The following DAB2IP variants were observed in gnomAD, a reference collection of about 807,000 sequenced individuals.
DAB2IP encodes the protein disabled homolog 2-interacting protein.
In DAB2IP, 28 loss-of-function variants were observed where a neutral mutation model predicts 107.2. The ratio of observed to expected loss-of-function variants is 0.26; its 90% CI spans 0.19 to 0.36. The LOEUF is 0.36. Among genes scored for constraint, DAB2IP ranks in the 10% least tolerant of loss-of-function variants. The probability of loss-of-function intolerance (pLI) is 1.00; values close to 1 mark genes in which losing one functional copy is unlikely to be tolerated. For synonymous variants in DAB2IP, 755 were observed against 706.4 expected (o/e 1.07, Z -1.09); for missense variants, 1,400 against 1,644.7 (o/e 0.85, Z 2.57).
chr9:121,772,794 A>G lies in DAB2IP; in HGVS notation c.2266A>G (p.Thr756Ala). Reference sequence around the variant, plus strand: ...CATGGTGGACCTCCAGGACGCCCGCACGCTGGATGGGGAGGCAGGCTCCCC... The same window carrying G: ...CATGGTGGACCTCCAGGACGCCCGCGCGCTGGATGGGGAGGCAGGCTCCCC... The change falls in exon 12 of 16, where the codon ACG (threonine) becomes GCG (alanine). Residue 756 changes from threonine to alanine, a missense_variant. Coordinates refer to ENST00000408936, the Ensembl canonical transcript of DAB2IP. The surrounding 1 kb of genome is among the most constrained non-coding windows in gnomAD (Gnocchi z 4.7). 1 of 1,612,706 alleles carries G rather than the reference A, an allele frequency of 6.2e-7. No homozygotes were observed. Among genetic ancestry groups the G allele is most frequent in the Non-Finnish European group, 8.5e-7 (1 of 1,179,736 alleles).
At chr9:121,762,643 C>T (rs1314675502) in intron 6 of DAB2IP, among the ~76,000 whole-genome samples, 3 of 152,222 alleles carry the variant, frequency 2.0e-5, no homozygotes, top group African/African-American at 4.8e-5. Context: ...CCCTCCTGGG[C>T]ACCTTGCAGG....
chr9:121,648,545 T>C (rs1832623527), upstream of DAB2IP, among the ~76,000 whole-genome samples: 1 of 152,062 alleles, frequency 6.6e-6, no homozygotes, highest in Non-Finnish European at 1.5e-5. Flanking sequence ...GTGGTGGGGT[T>C]AGGTCAGATC....
chr9:121,774,351 G>C (rs1835024759), exon 13 of DAB2IP: 1 of 1,613,170 alleles, frequency 6.2e-7, no homozygotes, highest in Non-Finnish European at 8.5e-7. Context: ...GAGGGCCTGG[G>C]CCCAGACCCC....
At chr9:121,727,911 A>C (rs1275252508) in intron 3 of DAB2IP, among the ~76,000 whole-genome samples, 4 of 152,032 alleles carry the variant, frequency 2.6e-5, no homozygotes, top group Non-Finnish European at 5.9e-5. Flanking sequence ...CTTGTCCCTG[A>C]GCCACCACCC....
intron 3 of DAB2IP, among the ~76,000 whole-genome samples, chr9:121,724,074 G>A (rs150727785): frequency 3.3e-5 from 5 of 152,212 alleles, no homozygotes; most frequent in East Asian, 3.9e-4. Context: ...GTTTACTGAG[G>A]ATTCCCTCAT....
At chr9:121,612,876 C>T (rs764255932) in intron 1 of DAB2IP, among the ~76,000 whole-genome samples, 3 of 152,216 alleles carry the variant, frequency 2.0e-5, no homozygotes, top group East Asian at 3.8e-4. Flanking sequence ...TCACTTTTCC[C>T]GAGCTTACCC....
At position 121,617,132 on chromosome 9, in the gene DAB2IP, G is replaced by A. The variant is rs939536008; in HGVS notation, c.40+49904G>A. Among the ~76,000 whole-genome samples the A allele has an allele frequency of 5.3e-5, 8 of 152,192 alleles. No homozygotes were observed. In the East Asian group the frequency reaches 7.7e-4, roughly 15 times the overall value. On this transcript the variant is annotated intron_variant, in intron 1 of 16. Transcript: ENST00000259371. ...GCAGATCACCTGAGGTCAGGAGGTC[G>A]AGACCAGCCTGGTGAAACCCTATCT... is the stretch of plus-strand genomic sequence containing the variant.
intron 1 of DAB2IP, among the ~76,000 whole-genome samples, chr9:121,619,318 T>C (rs1173944205): frequency 5.9e-5 from 9 of 152,182 alleles, no homozygotes; most frequent in Non-Finnish European, 1.0e-4. Context: ...CGCTAATTTT[T>C]GTAATTTTTG....
chr9:121,593,126 C>G (rs1021173074), intron 1 of DAB2IP, among the ~76,000 whole-genome samples: 3 of 152,322 alleles, frequency 2.0e-5, no homozygotes, highest in Non-Finnish European at 4.4e-5. Flanking sequence ...GTCTGCTGCC[C>G]AGGCTGGAGT....
At chr9:121,653,771 A>C (rs1464540873) in intron 1 of DAB2IP, among the ~76,000 whole-genome samples, 2 of 152,054 alleles carry the variant, frequency 1.3e-5, no homozygotes, top group South Asian at 2.1e-4. Context: ...CAGGCAGGGG[A>C]TAATCAATGT....
rs763546866 is a variant in DAB2IP, at chr9:121,770,512, G to A, written c.1900-34G>A. 3.7e-6 allele frequency: 6 copies of A among 1,601,486 alleles called. No individual in the cohort carries two copies. In the East Asian group the frequency reaches 1.3e-4, roughly 36 times the overall value. ...ATACAGCCTACCCATGTGGTCCCAG[G>A]AGGTCACACCTGCCTCTTGCTGTGC... On this transcript the variant is annotated intron_variant, in intron 10 of 15. Transcript: ENST00000408936.
intron 1 of DAB2IP, among the ~76,000 whole-genome samples, chr9:121,641,947 T>TTCTTTCTC (rs1832322505): frequency 8.0e-6 from 1 of 125,096 alleles, no homozygotes; most frequent in Non-Finnish European, 1.7e-5. Context: ...CTCTCTTTCT[T>TTCTTTCTC]TCCTTTCTTT....
In DAB2IP at chr9:121,746,216, G is replaced by A. The variant is rs115308126; in HGVS notation, c.363-10797G>A. Among the ~76,000 whole-genome samples, 808 of 152,242 alleles carry A rather than the reference G, an allele frequency of 5.3e-3. 7 individuals are homozygous for A. The highest frequency in any genetic ancestry group is 0.019 in the African/African-American group (770 of 41,524). On this transcript the variant is annotated intron_variant, in intron 3 of 15. Coordinates refer to ENST00000408936, the Ensembl canonical transcript of DAB2IP. ...CGTGCGGGAAGGGACAGAATGCCCCGGGAAGGCAGTCTCAGCCCAGCCTGG... is the reference window on the plus strand; with the variant it reads ...CGTGCGGGAAGGGACAGAATGCCCCAGGAAGGCAGTCTCAGCCCAGCCTGG...
In DAB2IP at chr9:121,757,078, C is replaced by T. The variant is rs576059169; in HGVS notation, c.428C>T (p.Ala143Val). ...GAGTCCCTGCTCAGCCCCAGCAGTG[C>T]GGTGGAGGCGCTGGACCTCAGCATG... The change falls in exon 4 of 16, where the codon GCG (alanine) becomes GTG (valine). Residue 143 changes from alanine (A) to valine (V), a missense_variant. By Grantham distance (64) the Ala-to-Val change is moderately conservative. Around this residue, in one of 3 missense-constraint regions of DAB2IP, gnomAD observed 283 missense variants for 237.0 expected, o/e 1.19. Transcript: ENST00000408936. 1.5e-4 allele frequency: 250 copies of T among 1,614,174 alleles called. 6 individuals carry two copies. In the South Asian group the frequency reaches 2.3e-3, roughly 15 times the overall value.
In DAB2IP at chr9:121,567,538, C is replaced by T. The variant is rs140780880; in HGVS notation, c.40+310C>T. Among the ~76,000 whole-genome samples the T allele has an allele frequency of 6.6e-5, 10 of 152,344 alleles. 1 individual carries two copies. In the East Asian group the frequency reaches 1.7e-3, roughly 26 times the overall value. On this transcript the variant is annotated intron_variant, in intron 1 of 16. Transcript: ENST00000259371. ...GGAAGGAAGTTTTGCAGCCCCCCTGCCTGTCTGCCTACCTCGCTGTTCGCC... is the reference window on the plus strand; with the variant it reads ...GGAAGGAAGTTTTGCAGCCCCCCTGTCTGTCTGCCTACCTCGCTGTTCGCC...
At chr9:121,675,219 G>C (rs1270217200) in intron 1 of DAB2IP, among the ~76,000 whole-genome samples, 1 of 152,142 alleles carries the variant, frequency 6.6e-6, no homozygotes, top group Non-Finnish European at 1.5e-5. Context: ...CATTGCCCCA[G>C]AGCTCAAAGG....
At chr9:121,764,917 G>A (rs1834159725) in intron 8 of DAB2IP, among the ~76,000 whole-genome samples, 1 of 152,206 alleles carries the variant, frequency 6.6e-6, no homozygotes, top group Non-Finnish European at 1.5e-5. Context: ...GCACCCTGGG[G>A]GCAGGTGAGC....
In DAB2IP at chr9:121,736,328, G is replaced by A. The variant is rs1831905747; in HGVS notation, c.363-20685G>A. On this transcript the variant is annotated intron_variant, in intron 3 of 15. Coordinates refer to ENST00000408936, the Ensembl canonical transcript of DAB2IP. The surrounding 1 kb of genome is among the most constrained non-coding windows in gnomAD (Gnocchi z 4.6). ...GGCCGCGGGCAAGTGAGGGGCTGGCGGGGCCGGTGGGGACCCAGACTCGCA... is the reference window on the plus strand; with the variant it reads ...GGCCGCGGGCAAGTGAGGGGCTGGCAGGGCCGGTGGGGACCCAGACTCGCA... Among the ~76,000 whole-genome samples the A allele has an allele frequency of 6.6e-6, 1 of 152,170 alleles. No individual in the cohort carries two copies. Among genetic ancestry groups the A allele is most frequent in the Admixed American group, 6.5e-5 (1 of 15,280 alleles).
intron 3 of DAB2IP, among the ~76,000 whole-genome samples, chr9:121,744,828 T>C (rs1470903734): frequency 1.3e-5 from 2 of 152,118 alleles, no homozygotes; most frequent in Non-Finnish European, 2.9e-5. Flanking sequence ...GAGGGAGTTG[T>C]CAGTTCTGGG....
Sources: allele counts gnomAD v4.1 joint callset (sites outside exome capture counted in the v4.1 genomes callset), GRCh38; gene constraint gnomAD v4.1.1; regional missense constraint gnomAD v4.1.1; non-coding constraint Gnocchi (gnomAD v3.1); transcripts MANE v1.5; gene names NCBI Gene and HGNC (gene_info 2026-07-23, HGNC 2026-07-21).